TANC2: variants seen among roughly 807,000 people sequenced by gnomAD.
TANC2 encodes the protein protein TANC2.
In TANC2, 26 loss-of-function variants were observed where a neutral mutation model predicts 210.5. The ratio of observed to expected loss-of-function variants is 0.12; its 90% CI spans 0.09 to 0.17. The LOEUF is 0.17. Among genes scored for constraint, TANC2 ranks in the 10% least tolerant of loss-of-function variants. The probability of loss-of-function intolerance (pLI) is 1.00; values close to 1 mark genes in which losing one functional copy is unlikely to be tolerated. For missense variants in TANC2, 2,129 were observed against 2,608.9 expected (o/e 0.82, Z 4.01); for synonymous variants, 931 against 967.1 (o/e 0.96, Z 0.69).
At chr17:63,360,599 A>G (rs1399230129) in intron 14 of TANC2, among the ~76,000 whole-genome samples, 2 of 152,198 alleles carry the variant, frequency 1.3e-5, no homozygotes, top group Non-Finnish European at 2.9e-5. Context: ...AGGGTAAAAT[A>G]TCCATCACCT....
At position 63,102,214 on chromosome 17, in the gene TANC2, G is replaced by A. The variant is rs7209519; in HGVS notation, c.322+2857G>A. On this transcript the variant is annotated intron_variant, in intron 4 of 27. Transcript: ENST00000689528. ...TAGTCCTAGCTACCAAGGAGGCTAC[G>A]GTGGGAGTGTTGCTTGAGCCCAGGA... 7.0e-3 allele frequency among the ~76,000 whole-genome samples: 1,060 copies of A among 152,130 alleles called. 11 individuals carry two copies. The highest frequency in any genetic ancestry group is 0.024 in the African/African-American group (983 of 41,498).
chr17:63,249,057 TA>T (rs1472349371), intron 8 of TANC2, among the ~76,000 whole-genome samples: 1 of 152,154 alleles, frequency 6.6e-6, no homozygotes, highest in Non-Finnish European at 1.5e-5. Flanking sequence ...GTGAAGTTCA[TA>T]GTTAAAATAG....
In TANC2 at chr17:63,011,550, T is replaced by G. The variant is rs1414939471; in HGVS notation, c.67+1924T>G. On this transcript the variant is annotated intron_variant, in intron 2 of 27. Coordinates refer to ENST00000689528, the Ensembl canonical transcript of TANC2. Reference sequence around the variant, plus strand: ...ATTATGATTGTGAATTTTTTTTATTTCTCCTGCTAGTTCCTGAGGATTTTT... The same window carrying G: ...ATTATGATTGTGAATTTTTTTTATTGCTCCTGCTAGTTCCTGAGGATTTTT... Among the ~76,000 whole-genome samples the G allele has an allele frequency of 2.6e-5, 4 of 152,194 alleles. No individual in the cohort carries two copies. In the East Asian group the frequency reaches 7.7e-4, roughly 29 times the overall value.
At chr17:63,380,192 T>G (rs1268463728) in intron 15 of TANC2, among the ~76,000 whole-genome samples, 1 of 152,214 alleles carries the variant, frequency 6.6e-6, no homozygotes, top group Non-Finnish European at 1.5e-5. Flanking sequence ...ACTCTTTCCA[T>G]TTTTTAAAAT....
At chr17:63,293,324 T>C (rs1460774224) in intron 9 of TANC2, among the ~76,000 whole-genome samples, 1 of 152,228 alleles carries the variant, frequency 6.6e-6, no homozygotes, top group African/African-American at 2.4e-5. Flanking sequence ...ATGAAGCACA[T>C]GTGTTTTCCC....
chr17:63,408,410 T>C (rs2048586265), intron 21 of TANC2, among the ~76,000 whole-genome samples: 1 of 152,232 alleles, frequency 6.6e-6, no homozygotes, highest in African/African-American at 2.4e-5. Flanking sequence ...GTTTCATGTG[T>C]ATCTCCTTTT....
At chr17:63,330,771 T>C (rs2045812262) in intron 11 of TANC2, among the ~76,000 whole-genome samples, 1 of 152,190 alleles carries the variant, frequency 6.6e-6, no homozygotes, top group African/African-American at 2.4e-5. Flanking sequence ...AGAACAATGA[T>C]GATAATAAAT....
chr17:63,357,244 G>A (rs1233729566), intron 14 of TANC2, among the ~76,000 whole-genome samples: 1 of 152,184 alleles, frequency 6.6e-6, no homozygotes. Context: ...ACATCTCAGA[G>A]GATTGAAAGC....
intron 3 of TANC2, among the ~76,000 whole-genome samples, chr17:63,075,440 T>C (rs1181306057): frequency 6.6e-6 from 1 of 152,218 alleles, no homozygotes; most frequent in East Asian, 1.9e-4. Flanking sequence ...TCACCAGGAA[T>C]TGTATCATTG....
intron 2 of TANC2, among the ~76,000 whole-genome samples, chr17:63,066,233 A>G (rs561219805): frequency 6.6e-6 from 1 of 152,012 alleles, no homozygotes; most frequent in Non-Finnish European, 1.5e-5. Context: ...TTCTGGGGCT[A>G]GTGTGGAGCC....
chr17:63,143,602 T>C (rs1057171346), intron 4 of TANC2, among the ~76,000 whole-genome samples: 4 of 152,184 alleles, frequency 2.6e-5, no homozygotes, highest in Non-Finnish European at 5.9e-5. Context: ...ATAATACATG[T>C]TTTGAAATTG....
At chr17:63,086,972 AC>A (rs573563632) in intron 3 of TANC2, among the ~76,000 whole-genome samples, 163 of 152,264 alleles carry the variant, frequency 1.1e-3, no homozygotes, top group African/African-American at 3.8e-3. Flanking sequence ...AAAGCTGGCC[AC>A]CCCAGCCTGC....
At chr17:63,026,276 C>G (rs749726645) in intron 2 of TANC2, among the ~76,000 whole-genome samples, 1 of 152,132 alleles carries the variant, frequency 6.6e-6, no homozygotes, top group Non-Finnish European at 1.5e-5. Flanking sequence ...TCATGTAAGT[C>G]CATTCTCTTT....
chr17:63,104,912 T>G (rs1390719990), intron 4 of TANC2, among the ~76,000 whole-genome samples: 1 of 151,746 alleles, frequency 6.6e-6, no homozygotes, highest in Non-Finnish European at 1.5e-5. Flanking sequence ...AAACTAGGGT[T>G]GATAATAGTA....
intron 3 of TANC2, among the ~76,000 whole-genome samples, chr17:63,095,881 AAAAGT>A (rs2037370120): frequency 6.6e-6 from 1 of 152,194 alleles, no homozygotes; most frequent in South Asian, 2.1e-4. Context: ...TTTTAAGCAG[AAAAGT>A]AAAGTAGGAC....
At chr17:63,273,746 G>A (rs74611404) in intron 9 of TANC2, among the ~76,000 whole-genome samples, 22,847 of 152,222 alleles carry the variant, frequency 0.15, 2,048 homozygotes, top group Middle Eastern at 0.21. Flanking sequence ...GACTATTGCA[G>A]TAGGCGAGCT....
intron 4 of TANC2, among the ~76,000 whole-genome samples, chr17:63,110,508 A>T (rs1456268281): frequency 2.0e-5 from 3 of 151,700 alleles, no homozygotes; most frequent in African/African-American, 4.9e-5. Flanking sequence ...TGGGAAGTCT[A>T]AGATCAAGGC....
intron 14 of TANC2, among the ~76,000 whole-genome samples, chr17:63,360,447 A>C (rs919895149): frequency 6.6e-6 from 1 of 152,186 alleles, no homozygotes; most frequent in Non-Finnish European, 1.5e-5. Flanking sequence ...AAGAGAATGT[A>C]CCAGACATCT....
chr17:63,055,102 C>T (rs952075750), intron 2 of TANC2, among the ~76,000 whole-genome samples: 1 of 152,202 alleles, frequency 6.6e-6, no homozygotes, highest in Admixed American at 6.5e-5. Context: ...CAGGAAATAA[C>T]ACATTTTTCT....
Sources: gnomAD v4.1 joint callset for allele counts (sites outside exome capture counted in the v4.1 genomes callset) on GRCh38, gnomAD v4.1.1 for gene constraint, MANE v1.5 for transcripts, NCBI Gene and HGNC (gene_info 2026-07-23, HGNC 2026-07-21) for gene names.